Variants in SGCZ observed in about 807,000 individuals in gnomAD.
The protein encoded by SGCZ is zeta-sarcoglycan.
Under a neutral mutation model 41.3 loss-of-function variants are expected in SGCZ, and 40 were observed. The ratio of observed to expected loss-of-function variants is 0.97; its 90% confidence interval spans 0.75 to 1.26. SGCZ has a LOEUF of 1.26. Ranked by LOEUF, SGCZ falls within the 50% of genes most tolerant of loss-of-function variation. The probability of loss-of-function intolerance (pLI) is 0.00; values close to 1 mark genes in which losing one functional copy is unlikely to be tolerated. For missense variants in SGCZ, 552 were observed against 369.8 expected (o/e 1.49, Z -4.04); for synonymous variants, 206 against 137.5 (o/e 1.50, Z -3.49).
chr8:14,850,329 A>G (rs1195034542), intron 1 of SGCZ, among the ~76,000 whole-genome samples: 2 of 152,172 alleles, frequency 1.3e-5, no homozygotes, highest in Non-Finnish European at 1.5e-5. Context: ...AAGGAGTCTC[A>G]GGACTTTAAA....
intron 2 of SGCZ, among the ~76,000 whole-genome samples, chr8:14,455,558 G>T (rs73519321): frequency 6.6e-6 from 1 of 151,694 alleles, no homozygotes. Context: ...TAGATAGATA[G>T]ATCGATCTCC....
intron 2 of SGCZ, among the ~76,000 whole-genome samples, chr8:14,530,584 G>A (rs11987549): frequency 4.6e-5 from 7 of 151,926 alleles, no homozygotes; most frequent in African/African-American, 1.2e-4. Context: ...TTGGCACACA[G>A]CAGTAACACT....
intron 5 of SGCZ, among the ~76,000 whole-genome samples, chr8:14,133,959 G>A (rs2117063868): frequency 6.6e-6 from 1 of 152,178 alleles, no homozygotes; most frequent in Admixed American, 6.5e-5. Context: ...CTCAGGCTGT[G>A]TGTATTGCAA....
intron 1 of SGCZ, among the ~76,000 whole-genome samples, chr8:14,661,597 T>C (rs1326835306): frequency 1.3e-5 from 2 of 152,122 alleles, no homozygotes. Flanking sequence ...TAACAAACCA[T>C]GACTCAACAT....
At chr8:14,882,898 A>G (rs1225054958) in intron 1 of SGCZ, among the ~76,000 whole-genome samples, 1 of 152,066 alleles carries the variant, frequency 6.6e-6, no homozygotes, top group Non-Finnish European at 1.5e-5. Context: ...CTCACCCAGA[A>G]TTTAACAAAA....
chr8:15,022,519 T>C, intron 1 of SGCZ, among the ~76,000 whole-genome samples: 1 of 152,066 alleles, frequency 6.6e-6, no homozygotes, highest in East Asian at 1.9e-4. Context: ...AATTTTTGTA[T>C]TTTTAGCAGA....
At chr8:14,145,781 T>A (rs560980470) in intron 5 of SGCZ, among the ~76,000 whole-genome samples, 1 of 152,164 alleles carries the variant, frequency 6.6e-6, no homozygotes, top group Non-Finnish European at 1.5e-5. Context: ...GCAGGAATCC[T>A]GGAGCTGAAA....
chr8:14,222,336 A>G (rs1419517667), intron 4 of SGCZ, among the ~76,000 whole-genome samples: 1 of 151,524 alleles, frequency 6.6e-6, no homozygotes, highest in Non-Finnish European at 1.5e-5. Context: ...TACCCAACTA[A>G]TTTTTGTATT....
intron 2 of SGCZ, among the ~76,000 whole-genome samples, chr8:14,496,939 G>C (rs959395599): frequency 2.0e-5 from 3 of 151,960 alleles, no homozygotes; most frequent in East Asian, 1.9e-4. Context: ...CATTGTTGTA[G>C]GTTCTTTTAG....
At chr8:14,138,988 T>G (rs376736136) in intron 5 of SGCZ, among the ~76,000 whole-genome samples, 1 of 152,114 alleles carries the variant, frequency 6.6e-6, no homozygotes, top group African/African-American at 2.4e-5. Context: ...CATAACAAAC[T>G]GTCTCTCAGA....
At chr8:15,112,150 T>C (rs1807091968) in intron 1 of SGCZ, among the ~76,000 whole-genome samples, 1 of 152,222 alleles carries the variant, frequency 6.6e-6, no homozygotes. Context: ...ATATTAGTTA[T>C]ATAAGAAGGC....
intron 2 of SGCZ, among the ~76,000 whole-genome samples, chr8:14,369,969 A>G (rs895512547): frequency 1.3e-5 from 2 of 151,986 alleles, no homozygotes; most frequent in African/African-American, 4.8e-5. Context: ...TTTACTGTTA[A>G]TATTTATTCT....
At chr8:14,857,279 T>A (rs965438427) in intron 1 of SGCZ, among the ~76,000 whole-genome samples, 1 of 152,120 alleles carries the variant, frequency 6.6e-6, no homozygotes, top group African/African-American at 2.4e-5. Context: ...TGAACCTCAC[T>A]TAAACCTCTT....
chr8:15,055,574 G>A (rs148965051), intron 1 of SGCZ, among the ~76,000 whole-genome samples: 7 of 152,182 alleles, frequency 4.6e-5, no homozygotes, highest in East Asian at 1.9e-4. Flanking sequence ...CCAGGCAACA[G>A]TATGGTTTTT....
intron 2 of SGCZ, among the ~76,000 whole-genome samples, chr8:14,398,620 G>T (rs79440426): frequency 0.13 from 19,793 of 151,302 alleles, 2,777 homozygotes; most frequent in African/African-American, 0.36. Flanking sequence ...CAAAGAAAAG[G>T]CTCAAGATTT....
chr8:14,595,400 A>AACACACACAG (rs1554459942), intron 1 of SGCZ, among the ~76,000 whole-genome samples: 39 of 136,396 alleles, frequency 2.9e-4, no homozygotes, highest in African/African-American at 9.2e-4. Flanking sequence ...AACATGCACA[A>AACACACACAG]ACACACACAC....
chr8:15,152,770 T>A (rs1380753798), intron 1 of SGCZ, among the ~76,000 whole-genome samples: 1 of 152,216 alleles, frequency 6.6e-6, no homozygotes, highest in Non-Finnish European at 1.5e-5. Context: ...AATGTCTCTA[T>A]TAAGAACACT....
At chr8:15,037,098 C>G (rs929189862) in intron 1 of SGCZ, among the ~76,000 whole-genome samples, 1 of 152,006 alleles carries the variant, frequency 6.6e-6, no homozygotes, top group Admixed American at 6.6e-5. Context: ...TACCTGAGCA[C>G]GATAAAGGCT....
intron 4 of SGCZ, among the ~76,000 whole-genome samples, chr8:14,171,685 A>G (rs1804388233): frequency 6.6e-6 from 1 of 151,988 alleles, no homozygotes; most frequent in Non-Finnish European, 1.5e-5. Flanking sequence ...AAATGTTATC[A>G]AAGAGTTTCT....
Sources: gnomAD v4.1 joint callset for allele counts (sites outside exome capture counted in the v4.1 genomes callset) on GRCh38, gnomAD v4.1.1 for gene constraint, MANE v1.5 for transcripts, NCBI Gene and HGNC (gene_info 2026-07-23, HGNC 2026-07-21) for gene names.